The following ATOSA variants were observed in gnomAD, a reference collection of about 807,000 sequenced individuals.
ATOSA encodes the protein atos homolog protein A.
chr15:52,610,529 T>G, the ATOSA span: 1 of 773,160 alleles, frequency 1.3e-6, no homozygotes, highest in East Asian at 2.8e-5. Context: ...CACTTTACCA[T>G]GCATATAATT....
At chr15:52,687,963 G>C in the ATOSA span, among the ~76,000 whole-genome samples, 1 of 152,306 alleles carries the variant, frequency 6.6e-6, no homozygotes, top group African/African-American at 2.4e-5. Context: ...TGTTGTCTCT[G>C]CCATTACCAT....
chr15:52,586,123 C>G, the ATOSA span: 7 of 152,230 alleles, frequency 4.6e-5, no homozygotes, highest in African/African-American at 1.7e-4. Context: ...CTGACCCACA[C>G]TTTCTCATGA....
At chr15:52,687,659 A>C in the ATOSA span, among the ~76,000 whole-genome samples, 2 of 152,246 alleles carry the variant, frequency 1.3e-5, no homozygotes, top group African/African-American at 4.8e-5. Context: ...AGAACATATC[A>C]AGATGCCATT....
chr15:52,623,713 T>C, the ATOSA span, among the ~76,000 whole-genome samples: 3 of 152,148 alleles, frequency 2.0e-5, no homozygotes, highest in African/African-American at 7.2e-5. Flanking sequence ...ACCTTGAAAA[T>C]AGTGAGCTCA....
the ATOSA span, among the ~76,000 whole-genome samples, chr15:52,627,128 CCT>C: frequency 6.6e-6 from 1 of 152,148 alleles, no homozygotes; most frequent in African/African-American, 2.4e-5. Context: ...TTGATAGACT[CCT>C]CTCTGCCAGA....
the ATOSA span, among the ~76,000 whole-genome samples, chr15:52,692,899 C>T: frequency 1.3e-5 from 2 of 151,726 alleles, no homozygotes; most frequent in Admixed American, 1.3e-4. Context: ...GATCCTTATG[C>T]CTTGGCCTCC....
chr15:52,631,125 A>C, the ATOSA span, among the ~76,000 whole-genome samples: 7 of 152,328 alleles, frequency 4.6e-5, no homozygotes, highest in East Asian at 1.4e-3. Context: ...TCTTTAATGT[A>C]TATGCTCTTT....
the ATOSA span, among the ~76,000 whole-genome samples, chr15:52,699,310 T>C: frequency 6.6e-6 from 1 of 152,050 alleles, no homozygotes; most frequent in Non-Finnish European, 1.5e-5. Context: ...AGGCAGGAGA[T>C]GGAAAAATGT....
At chr15:52,629,259 C>T in the ATOSA span, among the ~76,000 whole-genome samples, 1 of 151,782 alleles carries the variant, frequency 6.6e-6, no homozygotes, top group Non-Finnish European at 1.5e-5. Context: ...GAGATTATAC[C>T]CCCTCCCCAA....
the ATOSA span, among the ~76,000 whole-genome samples, chr15:52,649,086 A>G: frequency 6.6e-6 from 1 of 152,212 alleles, no homozygotes; most frequent in Non-Finnish European, 1.5e-5. Flanking sequence ...ATACTATAAC[A>G]TCTGAAGATT....
chr15:52,688,336 T>A, the ATOSA span, among the ~76,000 whole-genome samples: 1 of 152,186 alleles, frequency 6.6e-6, no homozygotes, highest in Non-Finnish European at 1.5e-5. Flanking sequence ...GCTATTCCAA[T>A]GATCCAACCT....
the ATOSA span, among the ~76,000 whole-genome samples, chr15:52,705,535 G>T: frequency 6.7e-6 from 1 of 150,144 alleles, no homozygotes; most frequent in African/African-American, 2.4e-5. Flanking sequence ...AGAAAGAAGA[G>T]AAAAAAAAAA....
chr15:52,630,477 T>C, the ATOSA span, among the ~76,000 whole-genome samples: 5 of 152,290 alleles, frequency 3.3e-5, no homozygotes, highest in Admixed American at 6.5e-5. Flanking sequence ...CATTGCAAAA[T>C]ACAAATTAAA....
chr15:52,685,977 C>T, the ATOSA span, among the ~76,000 whole-genome samples: 1 of 151,992 alleles, frequency 6.6e-6, no homozygotes, highest in East Asian at 1.9e-4. Flanking sequence ...GTGATCTTCC[C>T]ACCTCAGCCT....
the ATOSA span, among the ~76,000 whole-genome samples, chr15:52,602,593 T>G: frequency 6.6e-6 from 1 of 152,216 alleles, no homozygotes; most frequent in African/African-American, 2.4e-5. Context: ...TATGGCTATT[T>G]CTTAGCTAGA....
At chr15:52,682,894 G>A in the ATOSA span, among the ~76,000 whole-genome samples, 1 of 152,190 alleles carries the variant, frequency 6.6e-6, no homozygotes, top group Non-Finnish European at 1.5e-5. Context: ...TCATTGCTAA[G>A]GCATTGGCTT....
chr15:52,603,651 G>C, the ATOSA span, among the ~76,000 whole-genome samples: 1 of 152,172 alleles, frequency 6.6e-6, no homozygotes, highest in Admixed American at 6.5e-5. Flanking sequence ...TCAGCCATAA[G>C]AGGAATGAAA....
chr15:52,598,001 G>A, the ATOSA span, among the ~76,000 whole-genome samples: 1 of 152,102 alleles, frequency 6.6e-6, no homozygotes, highest in African/African-American at 2.4e-5. Context: ...GCGCGCTCCT[G>A]TAATCCCAGT....
chr15:52,651,211 C>A, the ATOSA span, among the ~76,000 whole-genome samples: 1 of 152,114 alleles, frequency 6.6e-6, no homozygotes, highest in Admixed American at 6.5e-5. Flanking sequence ...CCTTATCCTT[C>A]AGTTTTCTAT....
Sources: allele counts gnomAD v4.1 joint callset (sites outside exome capture counted in the v4.1 genomes callset), GRCh38; gene constraint gnomAD v4.1.1; transcripts MANE v1.5; gene names NCBI Gene and HGNC (gene_info 2026-07-23, HGNC 2026-07-21).